The following FAM117B variants were observed in gnomAD, a reference collection of about 807,000 sequenced individuals.
FAM117B encodes the protein family with sequence similarity 117 member B, also known as protein FAM117B.
In FAM117B, 22 loss-of-function variants were observed where a neutral mutation model predicts 52.8. The observed-to-expected ratio is 0.42, with a 90% CI of 0.30 to 0.59. The LOEUF (loss-of-function observed/expected upper bound fraction) is 0.59. FAM117B is among the 20% of genes least tolerant of loss of function. FAM117B has a pLI of 0.22. For synonymous variants in FAM117B, 309 were observed against 324.1 expected, an observed-to-expected ratio of 0.95 and a Z score of 0.50; for missense variants, 678 against 802.6, an observed-to-expected ratio of 0.84 and a Z score of 1.88.
intron 1 of FAM117B, among the ~76,000 whole-genome samples, chr2:202,681,251 A>G (rs983899018): frequency 4.6e-5 from 7 of 152,224 alleles, no homozygotes; most frequent in African/African-American, 1.7e-4. Context: ...AGAAGGGGAA[A>G]AAAGAACAAA....
intron 1 of FAM117B, among the ~76,000 whole-genome samples, chr2:202,639,726 T>C (rs1689738055): frequency 6.6e-6 from 1 of 152,152 alleles, no homozygotes; most frequent in Non-Finnish European, 1.5e-5. Flanking sequence ...CATATGATAG[T>C]AGGGATTAAA....
chr2:202,711,969 C>T (rs949458964), intron 2 of FAM117B, among the ~76,000 whole-genome samples: 3 of 152,124 alleles, frequency 2.0e-5, no homozygotes, highest in Non-Finnish European at 4.4e-5. Flanking sequence ...AATTTGAAGT[C>T]AGTAATGTGA....
rs749381037 is a variant in FAM117B at position 202,766,093 on chromosome 2, CA to C, written c.*330del. 7.5e-5 allele frequency: 18 copies of C among 238,566 alleles called. No individual in the cohort carries two copies. The highest frequency in any genetic ancestry group is 1.6e-4 in the Admixed American group (3 of 19,272). The allele number at this position is 238,566 out of a possible 1,614,324, so 14.8% of individuals were successfully genotyped here. ...ACACACACACACACACACACACACA[CA>C]CACACACACACACCCCTGATCCTTG... is the stretch of plus-strand genomic sequence containing the variant. On this transcript the variant is annotated 3_prime_UTR_variant, in exon 8 of 8. Transcript: ENST00000392238.
intron 4 of FAM117B, among the ~76,000 whole-genome samples, chr2:202,730,517 A>G (rs1472164123): frequency 6.6e-6 from 1 of 152,112 alleles, no homozygotes; most frequent in Non-Finnish European, 1.5e-5. Flanking sequence ...TAAAAACACA[A>G]AAATAAGCTA....
chr2:202,755,249 A>G (rs924090343), intron 4 of FAM117B, among the ~76,000 whole-genome samples: 1 of 152,166 alleles, frequency 6.6e-6, no homozygotes, highest in African/African-American at 2.4e-5. Flanking sequence ...TACAGTCGTA[A>G]AAGAATTTCT....
chr2:202,673,438 T>TTTTTTTTTTTTTTTTTTTTTTTTTTC (rs1690330375), intron 1 of FAM117B, among the ~76,000 whole-genome samples: 1 of 62,274 alleles, frequency 1.6e-5, no homozygotes, highest in African/African-American at 4.6e-5. Flanking sequence ...TTTCTGTTTT[T>TTTTTTTTTTTTTTTTTTTTTTTTTTC]TTTTTTTTTT....
At position 202,724,979 on chromosome 2, in the gene FAM117B, A is replaced by G; in HGVS notation, c.816A>G (p.Ala272=). ...EKKKGSHKRS[A]SWGSTDQLKE... ...AGAAAGGGTCTCACAAGCGCTCAGC[A>G]TCTTGGGGCAGTACAGATCAACTTA... Residue 272 remains alanine, a synonymous_variant, in exon 3 of 8, where the codon GCA becomes GCG. Transcript: ENST00000392238. 6.2e-7 allele frequency: 1 copy of G among 1,613,440 alleles called. No homozygotes were observed.
At chr2:202,662,538 C>T (rs755592167) in intron 1 of FAM117B, among the ~76,000 whole-genome samples, 40 of 152,068 alleles carry the variant, frequency 2.6e-4, no homozygotes, top group Non-Finnish European at 4.4e-4. Context: ...GAATGTTATC[C>T]TCACAAAGAA....
chr2:202,749,239 A>T (rs1691683754), intron 4 of FAM117B, among the ~76,000 whole-genome samples: 1 of 152,194 alleles, frequency 6.6e-6, no homozygotes, highest in South Asian at 2.1e-4. Flanking sequence ...ATTCTAAGGA[A>T]GTATTTACAT....
intron 1 of FAM117B, among the ~76,000 whole-genome samples, chr2:202,646,291 G>A (rs537958577): frequency 6.6e-6 from 1 of 152,230 alleles, no homozygotes; most frequent in Non-Finnish European, 1.5e-5. Flanking sequence ...GATTATAAGC[G>A]TGAGCCGCTT....
chr2:202,730,528 G>C (rs1438339966), intron 4 of FAM117B, among the ~76,000 whole-genome samples: 1 of 152,096 alleles, frequency 6.6e-6, no homozygotes, highest in African/African-American at 2.4e-5. Context: ...AAATAAGCTA[G>C]GCGTGGTGCC....
intron 1 of FAM117B, among the ~76,000 whole-genome samples, chr2:202,676,375 G>GTTTTTTTTTTTTT (rs71030983): frequency 7.6e-6 from 1 of 130,934 alleles, no homozygotes. Context: ...AATATTCCTT[G>GTTTTTTTTTTTTT]TTTTTTTTTT....
intron 4 of FAM117B, among the ~76,000 whole-genome samples, chr2:202,744,046 C>G (rs1209625453): frequency 6.6e-6 from 1 of 152,134 alleles, no homozygotes; most frequent in Non-Finnish European, 1.5e-5. Flanking sequence ...AGATTTAACC[C>G]AAAAAGGTCT....
In FAM117B at chr2:202,635,745, C is replaced by T; in HGVS notation, c.558C>T (p.Ser186=). 6.9e-7 allele frequency: 1 copy of T among 1,457,950 alleles called. No individual in the cohort carries two copies. The highest frequency in any genetic ancestry group is 1.3e-5 in the South Asian group (1 of 77,098). The allele number at this position is 1,457,950 out of a possible 1,614,324, so 90.3% of individuals were successfully genotyped here. ...GGAGGTCTCCGGAGCAGAGCCGAAG[C>T]TCGCCGGAGAAGAGGAGCCCCAGCG... ...HRRRSPEQSR[S]SPEKRSPSAP... Residue 186 remains serine, a synonymous_variant, in exon 1 of 8, where the codon AGC becomes AGT. Transcript: ENST00000392238.
chr2:202,768,450 G>T lies in FAM117B; in HGVS notation c.*2686G>T, dbSNP rs1287698289. The T allele has an allele frequency of 6.6e-6, 1 of 152,516 alleles. No homozygotes were observed. Among genetic ancestry groups the T allele is most frequent in the Non-Finnish European group, 1.5e-5 (1 of 68,008 alleles). 9.4% of individuals were successfully genotyped at this position (152,516 alleles called of 1,614,324 possible). A position where few individuals can be genotyped will look rare whatever the true frequency, so the allele number is the denominator to read the frequency against. ...CCAGACAGATCCCTGGGGTTTGGGA[G>T]AAATAGAGCTTGAGATTTGAAAAAA... is the stretch of plus-strand genomic sequence containing the variant. On this transcript the variant is annotated 3_prime_UTR_variant, in exon 8 of 8. Coordinates refer to ENST00000392238, the MANE Select transcript of FAM117B (RefSeq NM_173511.4).
Position 202,635,319 on chromosome 2 carries a change from G to A in FAM117B, c.132G>A (p.Lys44=), listed in dbSNP as rs1466724688. 2.9e-6 allele frequency: 4 copies of A among 1,398,258 alleles called. No homozygotes were observed. In the African/African-American group the frequency reaches 4.6e-5, roughly 16 times the overall value. The allele number at this position is 1,398,258 out of a possible 1,614,324, so 86.6% of individuals were successfully genotyped here. A position where few individuals can be genotyped will look rare whatever the true frequency, so the allele number is the denominator to read the frequency against. ...GGGCGACGGTTCCGTTCCAGCTGAA[G>A]CAGCAGCAGCAGCAGCAACATGGCA... ...PMRATVPFQL[K]QQQQQQHGSP... Residue 44 remains lysine (K), a synonymous_variant, in exon 1 of 8, where the codon AAG becomes AAA. Transcript: ENST00000392238.
chr2:202,719,495 CTTTATT>C (rs1691115585), intron 2 of FAM117B, among the ~76,000 whole-genome samples: 1 of 152,078 alleles, frequency 6.6e-6, no homozygotes, highest in Admixed American at 6.5e-5. Context: ...CCACATTTTG[CTTTATT>C]TTTGTGTCTG....
intron 4 of FAM117B, among the ~76,000 whole-genome samples, chr2:202,731,189 A>T (rs1691338683): frequency 6.6e-6 from 1 of 151,806 alleles, no homozygotes; most frequent in Non-Finnish European, 1.5e-5. Context: ...ATAGCCAATA[A>T]GCACATGAAG....
intron 1 of FAM117B, among the ~76,000 whole-genome samples, chr2:202,655,284 T>C (rs1188286501): frequency 6.6e-6 from 1 of 152,184 alleles, no homozygotes; most frequent in African/African-American, 2.4e-5. Flanking sequence ...TTGAAGGGTA[T>C]TGGGGAGTTT....
Sources: gnomAD v4.1 joint callset for allele counts (sites outside exome capture counted in the v4.1 genomes callset) on GRCh38, gnomAD v4.1.1 for gene constraint, MANE v1.5 for transcripts, NCBI Gene and HGNC (gene_info 2026-07-23, HGNC 2026-07-21) for gene names.